The following PLAGL1 variants were observed in gnomAD, a reference collection of about 807,000 sequenced individuals.
The protein encoded by PLAGL1 is zinc finger protein PLAGL1.
PLAGL1 carries 1 observed loss-of-function variant against 4.6 expected under a neutral mutation model. The observed-to-expected ratio is 0.22, with a 90% confidence interval of 0.08 to 1.03. PLAGL1 has a LOEUF of 1.03. Among genes scored for constraint, PLAGL1 ranks in the 50% least tolerant of loss-of-function variants. The probability of loss-of-function intolerance (pLI) is 0.58; values close to 1 mark genes in which losing one functional copy is unlikely to be tolerated. For synonymous variants in PLAGL1, 240 were observed against 237.8 expected, an observed-to-expected ratio of 1.01 and a Z score of -0.08; for missense variants, 464 against 570.4, an observed-to-expected ratio of 0.81 and a Z score of 1.90.
At chr6:144,031,092 C>T (rs965440996) in intron 1 of PLAGL1, among the ~76,000 whole-genome samples, 1 of 152,130 alleles carries the variant, frequency 6.6e-6, no homozygotes, top group Non-Finnish European at 1.5e-5. Context: ...ATTTGCATTT[C>T]CCTGATAGTG....
Position 144,000,118 on chromosome 6 carries a change from T to TA in PLAGL1, c.-584+7971dup, listed in dbSNP as rs922675064. ...AATACAATTCATGATATAAAACTCT[T>TA]AGAGAACTAGAAGAAGAGAACTTTA... On this transcript the variant is annotated intron_variant, in intron 1 of 7. Transcript: ENST00000674357. The surrounding 1 kb of genome is among the most constrained non-coding windows in gnomAD (Gnocchi z 4.1). Among the ~76,000 whole-genome samples, 3 of 152,260 alleles carry TA rather than the reference T, an allele frequency of 2.0e-5. No individual in the cohort carries two copies. Among genetic ancestry groups the TA allele is most frequent in the Admixed American group, 6.5e-5 (1 of 15,292 alleles).
chr6:144,055,167 G>GCATATCCACAGATATT lies in PLAGL1; in HGVS notation c.-151+9285_-151+9300dup, dbSNP rs59729509. Among the ~76,000 whole-genome samples, 1 of 152,092 alleles carries GCATATCCACAGATATT rather than the reference G, an allele frequency of 6.6e-6. No homozygotes were observed. The highest frequency in any genetic ancestry group is 1.9e-4 in the East Asian group (1 of 5,180). On this transcript the variant is annotated intron_variant, in intron 1 of 3. Coordinates refer to the PLAGL1 transcript ENST00000437412. This position sits in a 1 kb window ranked among gnomAD's most constrained non-coding sequence, Gnocchi z 5.0. ...AGAAATGTCTAATGAGCACGGAGAG[G>GCATATCCACAGATATT]CATATCCACAGATATTCATATCCAC...
chr6:143,984,210 G>A lies in PLAGL1; in HGVS notation c.-544+925C>T, dbSNP rs551008867. Reference sequence around the variant, plus strand: ...CCTTCTTCTCTTTCACTATCATTCTGAAAAATGTACAATTAATTCTGTCAT... The same window carrying A: ...CCTTCTTCTCTTTCACTATCATTCTAAAAAATGTACAATTAATTCTGTCAT... On this transcript the variant is annotated intron_variant, in intron 2 of 7. Transcript: ENST00000674357. The surrounding 1 kb of genome is among the most constrained non-coding windows in gnomAD (Gnocchi z 5.5). Among the ~76,000 whole-genome samples, 3 of 152,156 alleles carry A rather than the reference G, an allele frequency of 2.0e-5. No homozygotes were observed. In the South Asian group the frequency reaches 6.2e-4, roughly 32 times the overall value.
chr6:143,959,802 G>A lies in PLAGL1; in HGVS notation c.-325+667C>T, dbSNP rs1562431004. 1.3e-5 allele frequency among the ~76,000 whole-genome samples: 2 copies of A among 152,108 alleles called. No individual in the cohort carries two copies. The highest frequency in any genetic ancestry group is 4.2e-4 in the South Asian group (2 of 4,814). Reference sequence around the variant, plus strand: ...CCTAGCACAGAGTGAGTGCCCCAAAGGCATTAGCTTCTATTAATATCATTA... The same window carrying A: ...CCTAGCACAGAGTGAGTGCCCCAAAAGCATTAGCTTCTATTAATATCATTA... On this transcript the variant is annotated intron_variant, in intron 6 of 7. Coordinates refer to ENST00000674357, the MANE Select transcript of PLAGL1 (RefSeq NM_001317162.2). The surrounding 1 kb of genome is among the most constrained non-coding windows in gnomAD (Gnocchi z 5.3).
chr6:144,052,565 A>T (rs1798651133), intron 1 of PLAGL1, among the ~76,000 whole-genome samples: 1 of 152,232 alleles, frequency 6.6e-6, no homozygotes, highest in Non-Finnish European at 1.5e-5. Flanking sequence ...GTTGTTAAAC[A>T]AATGAATGGA....
Position 143,985,389 on chromosome 6 carries a change from A to G in PLAGL1, c.-583-215T>C, listed in dbSNP as rs920465365. ...CTAGTCTATCGCGATTTCCCATTTA[A>G]TTGTATTAGTGTGTTTTATAGTTTT... On this transcript the variant is annotated intron_variant, in intron 1 of 7. Transcript: ENST00000674357. The surrounding 1 kb of genome is among the most constrained non-coding windows in gnomAD (Gnocchi z 4.4). Among the ~76,000 whole-genome samples the G allele has an allele frequency of 4.7e-4, 72 of 152,168 alleles. No homozygotes were observed. The highest frequency in any genetic ancestry group is 1.3e-4 in the Non-Finnish European group (9 of 67,998).
At chr6:144,054,122 G>T (rs1716429211) in intron 1 of PLAGL1, among the ~76,000 whole-genome samples, 1 of 151,502 alleles carries the variant, frequency 6.6e-6, no homozygotes, top group African/African-American at 2.4e-5. Context: ...CATACCACAT[G>T]CATGAAATTA....
chr6:143,959,003 A>G lies in PLAGL1; in HGVS notation c.-325+1466T>C, dbSNP rs556841474. On this transcript the variant is annotated intron_variant, in intron 6 of 7. Coordinates refer to ENST00000674357, the MANE Select transcript of PLAGL1 (RefSeq NM_001317162.2). The surrounding 1 kb of genome is among the most constrained non-coding windows in gnomAD (Gnocchi z 5.3). Reference sequence around the variant, plus strand: ...CCAGTTCAATGGGGGAGGAATGTGAACTCTCTGAGTAGCTGTCCTTGCAAT... The same window carrying G: ...CCAGTTCAATGGGGGAGGAATGTGAGCTCTCTGAGTAGCTGTCCTTGCAAT... Among the ~76,000 whole-genome samples the G allele has an allele frequency of 6.2e-4, 95 of 152,276 alleles. 1 individual carries two copies. The highest frequency in any genetic ancestry group is 7.8e-4 in the Non-Finnish European group (53 of 68,018).
intron 7 of PLAGL1, among the ~76,000 whole-genome samples, chr6:143,946,522 A>G (rs1779837688): frequency 6.6e-6 from 1 of 152,270 alleles, no homozygotes. Flanking sequence ...CATGTATAGA[A>G]GACATTTGAA....
At chr6:144,019,574 A>G (rs1442803319) in intron 1 of PLAGL1, among the ~76,000 whole-genome samples, 4 of 152,190 alleles carry the variant, frequency 2.6e-5, no homozygotes, top group African/African-American at 4.8e-5. Context: ...CCTGAGTGTA[A>G]TAATAGTCCT....
In PLAGL1 at chr6:143,961,395, G is replaced by A. The variant is rs1025820416; in HGVS notation, c.-398-853C>T. ...ATGGAACAAAGCCAATTTATATCTC[G>A]CCTAAGTGATTTATTCACTTGCCTA... On this transcript the variant is annotated intron_variant, in intron 5 of 7. Coordinates refer to ENST00000674357, the MANE Select transcript of PLAGL1 (RefSeq NM_001317162.2). This position sits in a 1 kb window ranked among gnomAD's most constrained non-coding sequence, Gnocchi z 6.5. 15 of 152,098 alleles carry A rather than the reference G, an allele frequency of 9.9e-5. No individual in the cohort carries two copies. Among genetic ancestry groups the A allele is most frequent in the African/African-American group, 2.9e-4 (12 of 41,414 alleles). The allele number at this position is 152,098 out of a possible 1,614,324, so 9.4% of individuals were successfully genotyped here. A position where few individuals can be genotyped will look rare whatever the true frequency, so the allele number is the denominator to read the frequency against.
chr6:144,064,100 G>C lies in PLAGL1; in HGVS notation c.-151+368C>G, dbSNP rs1228987289. ...GGGAGGCGGCGACCTGCCTCCGCGC[G>C]GGGACAGTGGCCGGCGGGGCGGGCG... On this transcript the variant is annotated intron_variant, in intron 1 of 3. Coordinates refer to the PLAGL1 transcript ENST00000437412. The surrounding 1 kb of genome is among the most constrained non-coding windows in gnomAD (Gnocchi z 6.8). Among the ~76,000 whole-genome samples, 1 of 152,166 alleles carries C rather than the reference G, an allele frequency of 6.6e-6. No homozygotes were observed. Among genetic ancestry groups the C allele is most frequent in the South Asian group, 2.1e-4 (1 of 4,832 alleles).
rs1460924240 is a variant in PLAGL1, at chr6:143,974,887, A to T, written c.-543-5909T>A. On this transcript the variant is annotated intron_variant, in intron 2 of 7. Transcript: ENST00000674357. Reference sequence around the variant, plus strand: ...ATAAATCAAATTGTTTTTTAAAAGCACTCAGGAAAAATACTACTGAAAGAA... The same window carrying T: ...ATAAATCAAATTGTTTTTTAAAAGCTCTCAGGAAAAATACTACTGAAAGAA... Among the ~76,000 whole-genome samples the T allele has an allele frequency of 2.6e-5, 4 of 152,214 alleles. No homozygotes were observed. In the East Asian group the frequency reaches 7.7e-4, roughly 29 times the overall value.
At chr6:144,045,274 A>G (rs1453545546) in intron 1 of PLAGL1, among the ~76,000 whole-genome samples, 1 of 152,058 alleles carries the variant, frequency 6.6e-6, no homozygotes, top group African/African-American at 2.4e-5. Context: ...GCTTCTTCCT[A>G]GTATCGATGG....
At chr6:144,033,577 A>G (rs886541706) in intron 1 of PLAGL1, among the ~76,000 whole-genome samples, 23 of 152,352 alleles carry the variant, frequency 1.5e-4, no homozygotes, top group Non-Finnish European at 1.5e-5. Context: ...AACTGCAGTA[A>G]GGATGATCTT....
At chr6:144,018,661 A>T (rs554364446) in intron 1 of PLAGL1, among the ~76,000 whole-genome samples, 1 of 152,346 alleles carries the variant, frequency 6.6e-6, no homozygotes, top group Non-Finnish European at 1.5e-5. Flanking sequence ...AATTTAAAGA[A>T]AAATAATTTT....
rs531117144 is a variant in PLAGL1 at position 143,942,819 on chromosome 6, A to T, written c.153-156T>A. Among the ~76,000 whole-genome samples, 80 of 152,312 alleles carry T rather than the reference A, an allele frequency of 5.3e-4. No individual in the cohort carries two copies. The highest frequency in any genetic ancestry group is 9.1e-4 in the Admixed American group (14 of 15,302). ...ATATTTTCCAAATATATAAACTTTTATAATTAAGAAAAGCAAGCAATACTA... is the reference window on the plus strand; with the variant it reads ...ATATTTTCCAAATATATAAACTTTTTTAATTAAGAAAAGCAAGCAATACTA... On this transcript the variant is annotated intron_variant, in intron 7 of 7. Coordinates refer to ENST00000674357, the MANE Select transcript of PLAGL1 (RefSeq NM_001317162.2). This position sits in a 1 kb window ranked among gnomAD's most constrained non-coding sequence, Gnocchi z 7.6.
At position 144,013,837 on chromosome 6, in the gene PLAGL1, T is replaced by C. The variant is rs966709063; in HGVS notation, c.-150-44859A>G. On this transcript the variant is annotated intron_variant, in intron 1 of 3. Coordinates refer to the PLAGL1 transcript ENST00000437412. This position sits in a 1 kb window ranked among gnomAD's most constrained non-coding sequence, Gnocchi z 4.4. ...AAATAACTGAAGGTGGTCTCCTCATTTCAAGATCCGTAACTTAAGTCACAT... is the reference window on the plus strand; with the variant it reads ...AAATAACTGAAGGTGGTCTCCTCATCTCAAGATCCGTAACTTAAGTCACAT... 6.6e-6 allele frequency among the ~76,000 whole-genome samples: 1 copy of C among 152,182 alleles called. No homozygotes were observed. Among genetic ancestry groups the C allele is most frequent in the African/African-American group, 2.4e-5 (1 of 41,444 alleles).
chr6:143,985,346 T>C lies in PLAGL1; in HGVS notation c.-583-172A>G, dbSNP rs1290245472. The C allele has an allele frequency of 6.6e-6, 1 of 152,148 alleles. No homozygotes were observed. Among genetic ancestry groups the C allele is most frequent in the Admixed American group, 6.6e-5 (1 of 15,258 alleles). The allele number at this position is 152,148 out of a possible 1,614,324, so 9.4% of individuals were successfully genotyped here. On this transcript the variant is annotated intron_variant, in intron 1 of 7. Transcript: ENST00000674357. This position sits in a 1 kb window ranked among gnomAD's most constrained non-coding sequence, Gnocchi z 4.4. ...CAGTACAATATCACAACCGATATGTTTATATTAATACCATCTACTAGTCTA... is the reference window on the plus strand; with the variant it reads ...CAGTACAATATCACAACCGATATGTCTATATTAATACCATCTACTAGTCTA...
Sources: allele counts gnomAD v4.1 joint callset (sites outside exome capture counted in the v4.1 genomes callset), GRCh38; gene constraint gnomAD v4.1.1; non-coding constraint Gnocchi (gnomAD v3.1); transcripts MANE v1.5; gene names NCBI Gene and HGNC (gene_info 2026-07-23, HGNC 2026-07-21).